Variants in BANP observed in about 807,000 individuals in gnomAD.
BANP encodes the protein BTG3 associated nuclear protein.
In BANP, 11 loss-of-function variants were observed where a neutral mutation model predicts 68.1. That is an observed-to-expected ratio of 0.16 (90% CI 0.10 to 0.27). The LOEUF (loss-of-function observed/expected upper bound fraction) is 0.27. BANP is among the 10% of genes least tolerant of loss of function. The pLI is 1.00. For synonymous variants in BANP, 329 were observed against 303.2 expected, an observed-to-expected ratio of 1.09 and a Z score of -0.88; for missense variants, 504 against 722.7, an observed-to-expected ratio of 0.70 and a Z score of 3.47.
intron 11 of BANP, among the ~76,000 whole-genome samples, chr16:88,053,436 TACC>T (rs2083880001): frequency 1.7e-5 from 2 of 117,626 alleles, no homozygotes; most frequent in Non-Finnish European, 1.8e-5. Flanking sequence ...CCACCACCTC[TACC>T]ACTGTCATCT....
intron 3 of BANP, 89 bp from the exon 4 acceptor site, chr16:87,983,971 G>C: frequency 6.9e-7 from 1 of 1,448,480 alleles, no homozygotes; most frequent in Non-Finnish European, 9.2e-7. Flanking sequence ...ATAGAGTTGA[G>C]ATCAGGAAAT....
At chr16:87,976,346 C>CA (rs1423325141) in intron 2 of BANP, among the ~76,000 whole-genome samples, 1 of 152,298 alleles carries the variant, frequency 6.6e-6, no homozygotes, top group East Asian at 1.9e-4. Context: ...GTTAAAGGCA[C>CA]ATGTCTACTT....
chr16:88,016,927 A>C (rs534147875), intron 6 of BANP, among the ~76,000 whole-genome samples: 9 of 152,346 alleles, frequency 5.9e-5, no homozygotes, highest in African/African-American at 2.2e-4. Flanking sequence ...GCCCAGCCAC[A>C]CTGGCCTGCC....
rs778881025 is a variant in BANP at position 88,018,459 on chromosome 16, C to T, written c.687C>T (p.Asp229=). 7.4e-6 allele frequency: 12 copies of T among 1,612,944 alleles called. No individual in the cohort carries two copies. Among genetic ancestry groups the T allele is most frequent in the African/African-American group, 1.3e-5 (1 of 74,896 alleles). Residue 229 remains aspartate (D), a synonymous_variant, in exon 7 of 14, where the codon GAC becomes GAT. Coordinates refer to ENST00000682872, the MANE Select transcript of BANP (RefSeq NM_001386991.1). This position sits in a 1 kb window ranked among gnomAD's most constrained non-coding sequence, Gnocchi z 7.7. ...EDYPNGTWLG[D]ENNPEMRVRC... is the part of the protein sequence containing the mutation. The stretch of plus-strand genomic sequence containing the variant: ...ACCCCAATGGCACCTGGCTGGGCGA[C>T]GAGAACAACCCCGAGATGCGGGTAC...
chr16:88,013,289 G>A (rs529752086), intron 6 of BANP, among the ~76,000 whole-genome samples: 2 of 152,382 alleles, frequency 1.3e-5, no homozygotes, highest in South Asian at 4.1e-4. Flanking sequence ...TGTGAGGACT[G>A]AGGAAATGAG....
At chr16:88,069,998 G>A (rs968186878) in intron 12 of BANP, among the ~76,000 whole-genome samples, 5 of 152,108 alleles carry the variant, frequency 3.3e-5, no homozygotes, top group Admixed American at 1.3e-4. Context: ...CGGTGAGGAC[G>A]AAGGCCAGGA....
chr16:88,053,293 C>A (rs113510835), intron 11 of BANP, among the ~76,000 whole-genome samples: 70 of 140,886 alleles, frequency 5.0e-4, no homozygotes, highest in East Asian at 1.4e-3. Context: ...CAACACAGTC[C>A]CCTTCACCAC....
chr16:87,992,298 A>T (rs1378025568), intron 4 of BANP, among the ~76,000 whole-genome samples: 1 of 152,144 alleles, frequency 6.6e-6, no homozygotes, highest in Non-Finnish European at 1.5e-5. Context: ...TTTGTGCAAC[A>T]TGTTAGTCTG....
chr16:87,978,662 C>G (rs151189662), intron 2 of BANP: 2 of 469,968 alleles, frequency 4.3e-6, no homozygotes, highest in Admixed American at 4.7e-5. Context: ...GACACCCGCA[C>G]CTCAGCCCCT....
chr16:87,973,836 A>C (rs1471135842), intron 1 of BANP, among the ~76,000 whole-genome samples: 1 of 152,000 alleles, frequency 6.6e-6, no homozygotes, highest in African/African-American at 2.4e-5. Context: ...TAGACAAAGG[A>C]GAGGAGGAAC....
In BANP at chr16:88,035,496, G is replaced by C. The variant is rs532309381; in HGVS notation, c.1272+102G>C. The C allele has an allele frequency of 4.2e-5, 49 of 1,155,256 alleles. No individual in the cohort carries two copies. The African/African-American group carries it at 5.2e-4, about 12-fold the overall frequency. 71.6% of individuals were successfully genotyped at this position (1,155,256 alleles called of 1,614,324 possible). ...TGCGAGGGCAGCAGGGAGCCCCCAG[G>C]ACAGGGAACGTGGGCAAGGGCTGCA... On this transcript the variant is annotated intron_variant, in intron 10 of 13. Transcript: ENST00000682872.
At chr16:87,964,937 G>A (rs938796902) in intron 1 of BANP, among the ~76,000 whole-genome samples, 1 of 152,202 alleles carries the variant, frequency 6.6e-6, no homozygotes, top group Non-Finnish European at 1.5e-5. Context: ...GAATTGAGAC[G>A]ACCCCTTAGG....
intron 6 of BANP, among the ~76,000 whole-genome samples, chr16:88,009,154 G>C (rs1429529427): frequency 1.3e-5 from 2 of 152,202 alleles, no homozygotes; most frequent in Admixed American, 6.5e-5. Flanking sequence ...ACTTCCATGG[G>C]GGGTGCGAAT....
At chr16:88,046,804 C>G (rs989461490) in intron 11 of BANP, among the ~76,000 whole-genome samples, 1 of 152,070 alleles carries the variant, frequency 6.6e-6, no homozygotes, top group Non-Finnish European at 1.5e-5. Flanking sequence ...CGGTGCTTCA[C>G]GCCTGTAATC....
chr16:88,010,770 G>A (rs1311913638), intron 6 of BANP, among the ~76,000 whole-genome samples: 3 of 152,046 alleles, frequency 2.0e-5, no homozygotes, highest in South Asian at 2.1e-4. Flanking sequence ...GTGTAGCCAC[G>A]CTATGCTGTG....
At chr16:88,019,543 G>T (rs1443672087) in intron 7 of BANP, among the ~76,000 whole-genome samples, 2 of 143,848 alleles carry the variant, frequency 1.4e-5, no homozygotes, top group Non-Finnish European at 3.1e-5. Flanking sequence ...GCATGCCGGG[G>T]GCGTCCGGGA....
chr16:88,062,111 C>G (rs1378305740), intron 11 of BANP, among the ~76,000 whole-genome samples: 1 of 152,172 alleles, frequency 6.6e-6, no homozygotes, highest in Admixed American at 6.5e-5. Context: ...GCTTTTCCAG[C>G]ACACCTGTGG....
intron 13 of BANP, among the ~76,000 whole-genome samples, chr16:88,073,999 TG>T (rs959882418): frequency 1.8e-4 from 27 of 152,308 alleles, no homozygotes; most frequent in African/African-American, 6.3e-4. Context: ...TTGGACTTGG[TG>T]GTGAGCGGGT....
intron 2 of BANP, among the ~76,000 whole-genome samples, chr16:87,975,698 T>G (rs1406334263): frequency 6.6e-6 from 1 of 150,784 alleles, no homozygotes; most frequent in Non-Finnish European, 1.5e-5. Context: ...CCATGTGGTG[T>G]GTGTAATCCC....
Sources: allele counts gnomAD v4.1 joint callset (sites outside exome capture counted in the v4.1 genomes callset), GRCh38; gene constraint gnomAD v4.1.1; non-coding constraint Gnocchi (gnomAD v3.1); transcripts MANE v1.5; gene names NCBI Gene and HGNC (gene_info 2026-07-23, HGNC 2026-07-21).